PREX1: variants seen among roughly 807,000 people sequenced by gnomAD.
PREX1 encodes phosphatidylinositol 3,4,5-trisphosphate-dependent Rac exchanger 1 protein.
Under a neutral mutation model 198.3 loss-of-function variants are expected in PREX1, and 41 were observed. That is an observed-to-expected ratio of 0.21 (90% CI 0.16 to 0.27). The LOEUF (loss-of-function observed/expected upper bound fraction) is 0.27. Among genes scored for constraint, PREX1 ranks in the 10% least tolerant of loss-of-function variants. PREX1 has a pLI of 1.00. For synonymous variants in PREX1, 843 were observed against 887.2 expected, an observed-to-expected ratio of 0.95 and a Z score of 0.89; for missense variants, 1,620 against 2,200.7, an observed-to-expected ratio of 0.74 and a Z score of 5.28.
intron 1 of PREX1, among the ~76,000 whole-genome samples, chr20:48,826,363 T>C (rs1397191311): frequency 6.6e-6 from 1 of 152,070 alleles, no homozygotes; most frequent in Non-Finnish European, 1.5e-5. Context: ...TGGCCACTTT[T>C]CTCACTTCCT....
At chr20:48,681,104 C>T in intron 11 of PREX1, 131 bp downstream of exon 11, 1 of 797,848 alleles carries the variant, frequency 1.3e-6, no homozygotes, top group Non-Finnish European at 2.1e-6. Context: ...TTCCTGCGGG[C>T]CACACTGTGC....
At chr20:48,825,730 GAGGAGCAT>G (rs2123090036) in intron 1 of PREX1, among the ~76,000 whole-genome samples, 1 of 151,908 alleles carries the variant, frequency 6.6e-6, no homozygotes, top group South Asian at 2.1e-4. Context: ...CTTCCAAGCA[GAGGAGCAT>G]GGAGTGGCTC....
intron 1 of PREX1, among the ~76,000 whole-genome samples, chr20:48,768,352 T>C (rs2090218567): frequency 6.6e-6 from 1 of 152,010 alleles, no homozygotes; most frequent in African/African-American, 2.4e-5. Flanking sequence ...CAAAAGAAAA[T>C]TGCTAACACA....
At chr20:48,690,138 C>A (rs749402370) in intron 9 of PREX1, among the ~76,000 whole-genome samples, 2 of 152,164 alleles carry the variant, frequency 1.3e-5, no homozygotes, top group Non-Finnish European at 2.9e-5. Context: ...ATGATTTAGA[C>A]ACAGCAAGTG....
intron 18 of PREX1, 45 bp downstream of exon 18, chr20:48,656,995 G>A (rs1450494805): frequency 6.5e-7 from 1 of 1,544,540 alleles, no homozygotes; most frequent in Non-Finnish European, 8.7e-7. Context: ...CCACCACTCA[G>A]CCTGAGAGGG....
chr20:48,673,281 G>GT (rs1166278835), intron 14 of PREX1, among the ~76,000 whole-genome samples: 1 of 152,180 alleles, frequency 6.6e-6, no homozygotes, highest in Non-Finnish European at 1.5e-5. Flanking sequence ...TCCACAAATG[G>GT]TATTTCCATC....
At chr20:48,735,183 T>C (rs1336205286) in intron 3 of PREX1, among the ~76,000 whole-genome samples, 2 of 152,244 alleles carry the variant, frequency 1.3e-5, no homozygotes, top group East Asian at 1.9e-4. Flanking sequence ...GGAGCCTTCT[T>C]AGCAGGAAGC....
At chr20:48,838,597 C>A in the PREX1 span, among the ~76,000 whole-genome samples, 1 of 151,996 alleles carries the variant, frequency 6.6e-6, no homozygotes, top group Non-Finnish European at 1.5e-5. Context: ...GAAAAAAATG[C>A]TCATGATACA....
At chr20:48,869,788 GAAC>G in the PREX1 span, among the ~76,000 whole-genome samples, 51 of 152,170 alleles carry the variant, frequency 3.4e-4, no homozygotes, top group Non-Finnish European at 5.6e-4. Context: ...AGTGGGAGTT[GAAC>G]AACAAGAACA....
At chr20:48,722,295 C>T (rs755773631) in intron 5 of PREX1, among the ~76,000 whole-genome samples, 12 of 152,178 alleles carry the variant, frequency 7.9e-5, no homozygotes, top group Non-Finnish European at 1.6e-4. Flanking sequence ...AAGGAGGCAC[C>T]GACACGCTCC....
rs1471292500 is a variant in PREX1 at position 48,666,651 on chromosome 20, G to A, written c.1666-296C>T. ...AGCCATTCTCCTGCCTCAGCCTCCC[G>A]AGTAGCTGGGACTACAGGCACCTGC... On this transcript the variant is annotated intron_variant, in intron 14 of 39. Coordinates refer to ENST00000371941, the MANE Select transcript of PREX1 (RefSeq NM_020820.4). This position sits in a 1 kb window ranked among gnomAD's most constrained non-coding sequence, Gnocchi z 4.3. Among the ~76,000 whole-genome samples, 15 of 151,600 alleles carry A rather than the reference G, an allele frequency of 9.9e-5. No homozygotes were observed. The highest frequency in any genetic ancestry group is 4.2e-4 in the South Asian group (2 of 4,792).
chr20:48,807,997 C>A lies in PREX1; in HGVS notation c.219+19645G>T, dbSNP rs994168573. ...TTGCAAGCCGACTCCTGAGCCTGCA[C>A]CATCCTCATTTCTGAAATGGATTTC... On this transcript the variant is annotated intron_variant, in intron 1 of 39. Coordinates refer to ENST00000371941, the MANE Select transcript of PREX1 (RefSeq NM_020820.4). Among the ~76,000 whole-genome samples, 6 of 152,136 alleles carry A rather than the reference C, an allele frequency of 3.9e-5. No homozygotes were observed. The East Asian group carries it at 9.6e-4, about 24-fold the overall frequency.
the PREX1 span, among the ~76,000 whole-genome samples, chr20:48,865,013 A>ACAAT: frequency 6.6e-6 from 1 of 151,980 alleles, no homozygotes; most frequent in Non-Finnish European, 1.5e-5. Flanking sequence ...AAAGTTTTTG[A>ACAAT]CAATCAGGCA....
intron 30 of PREX1, 133 bp from the exon 31 acceptor site, chr20:48,637,885 G>A (rs2089377633): frequency 1.4e-6 from 1 of 722,208 alleles, no homozygotes. Context: ...TGGCACCCAA[G>A]GCTGTGCTCA....
At position 48,636,481 on chromosome 20, in the gene PREX1, C is replaced by G; in HGVS notation, c.4149G>C (p.Leu1383=). ...CACTCACCACTGTGGCTGGCGAGAGCAGGGACTGGCAGTGCAGCAGGACGC... is the reference window on the plus strand; with the variant it reads ...CACTCACCACTGTGGCTGGCGAGAGGAGGGACTGGCAGTGCAGCAGGACGC... ...ATGVLLHCQS[L]LSPATVKEER... is the part of the protein sequence containing the mutation. Residue 1383 remains leucine, a synonymous_variant, in exon 32 of 40, where the codon CTG becomes CTC. Transcript: ENST00000371941. The G allele has an allele frequency of 1.9e-6, 3 of 1,606,548 alleles. No individual in the cohort carries two copies. The highest frequency in any genetic ancestry group is 2.5e-6 in the Non-Finnish European group (3 of 1,178,784).
intron 5 of PREX1, among the ~76,000 whole-genome samples, chr20:48,710,340 T>C (rs73328916): frequency 0.016 from 2,453 of 152,304 alleles, 76 homozygotes; most frequent in African/African-American, 0.057. Flanking sequence ...AAGAACAAGA[T>C]GGTCCTCTGG....
chr20:48,820,892 G>A (rs900537241), intron 1 of PREX1, among the ~76,000 whole-genome samples: 5 of 152,218 alleles, frequency 3.3e-5, no homozygotes, highest in African/African-American at 7.2e-5. Flanking sequence ...AAATGACCCC[G>A]TGAAACCTCT....
the PREX1 span, among the ~76,000 whole-genome samples, chr20:48,834,768 C>A: frequency 4.9e-4 from 74 of 152,300 alleles, no homozygotes; most frequent in African/African-American, 1.8e-3. Flanking sequence ...CTATGTTGCC[C>A]AGGCTGGTCT....
rs563869879 is a variant in PREX1, at chr20:48,635,476, C to A, written c.4168-701G>T. 3.3e-5 allele frequency among the ~76,000 whole-genome samples: 5 copies of A among 152,324 alleles called. No homozygotes were observed. In the East Asian group the frequency reaches 5.8e-4, roughly 18 times the overall value. ...TTCCAGATTAAAGTCTCAGGCCCTA[C>A]AGAACTGGTCCCCACATCTCCCTAG... On this transcript the variant is annotated intron_variant, in intron 32 of 39. Transcript: ENST00000371941.
Sources: gnomAD v4.1 joint callset for allele counts (sites outside exome capture counted in the v4.1 genomes callset) on GRCh38, gnomAD v4.1.1 for gene constraint, Gnocchi (gnomAD v3.1) non-coding constraint, MANE v1.5 for transcripts, NCBI Gene and HGNC (gene_info 2026-07-23, HGNC 2026-07-21) for gene names.